BACE2: variants seen among roughly 807,000 people sequenced by gnomAD.
The protein encoded by BACE2 is 56 kDa aspartic-like protease.
Under a neutral mutation model 46.2 loss-of-function variants are expected in BACE2, and 17 were observed. The ratio of observed to expected loss-of-function variants is 0.37; its 90% CI spans 0.25 to 0.55. The LOEUF (loss-of-function observed/expected upper bound fraction) is 0.55, where lower values mean the gene tolerates loss of function less well. Ranked by LOEUF, BACE2 falls within the 20% of genes least tolerant of loss-of-function variation. BACE2 has a pLI of 0.82. For synonymous variants in BACE2, 277 were observed against 295.9 expected (o/e 0.94, Z 0.66); for missense variants, 595 against 698.1 (o/e 0.85, Z 1.66).
rs936634317 is a variant in BACE2, at chr21:41,193,198, G to C, written c.312+24623G>C. ...GAGAGTTTACTGTCCTACCCCTGAGGTAGGACAGTAAAGGTGTATTGCCGG... is the reference window on the plus strand; with the variant it reads ...GAGAGTTTACTGTCCTACCCCTGAGCTAGGACAGTAAAGGTGTATTGCCGG... On this transcript the variant is annotated intron_variant, in intron 1 of 8. Transcript: ENST00000330333. The surrounding 1 kb of genome is among the most constrained non-coding windows in gnomAD (Gnocchi z 4.2). Among the ~76,000 whole-genome samples, 3 of 152,182 alleles carry C rather than the reference G, an allele frequency of 2.0e-5. No individual in the cohort carries two copies.
intron 1 of BACE2, among the ~76,000 whole-genome samples, chr21:41,220,982 G>A (rs1373323115): frequency 1.4e-5 from 2 of 147,538 alleles, no homozygotes; most frequent in African/African-American, 5.0e-5. Context: ...ATCACTTGAA[G>A]TCAGGAGTTC....
intron 1 of BACE2, among the ~76,000 whole-genome samples, chr21:41,216,155 G>T (rs1026119331): frequency 6.6e-6 from 1 of 152,130 alleles, no homozygotes; most frequent in Non-Finnish European, 1.5e-5. Flanking sequence ...AGTGGGTGAT[G>T]GTCCTGGCTA....
At chr21:41,228,589 CT>C (rs1208692117) in intron 2 of BACE2, among the ~76,000 whole-genome samples, 5 of 152,086 alleles carry the variant, frequency 3.3e-5, no homozygotes, top group South Asian at 2.1e-4. Flanking sequence ...ACGTGCCAGA[CT>C]TTTTTTCAAC....
At chr21:41,207,246 G>A (rs1455978581) in intron 1 of BACE2, among the ~76,000 whole-genome samples, 3 of 152,138 alleles carry the variant, frequency 2.0e-5, no homozygotes, top group African/African-American at 7.2e-5. Context: ...TTTAGTTGTC[G>A]CTTGGGAAAG....
At chr21:41,233,850 A>ACC (rs1987033901) in intron 2 of BACE2, among the ~76,000 whole-genome samples, 1 of 152,198 alleles carries the variant, frequency 6.6e-6, no homozygotes, top group African/African-American at 2.4e-5. Flanking sequence ...AATCCCAGCT[A>ACC]TTAGGGAGGC....
intron 1 of BACE2, among the ~76,000 whole-genome samples, chr21:41,216,612 G>T (rs141045888): frequency 4.6e-5 from 7 of 152,206 alleles, no homozygotes; most frequent in Non-Finnish European, 8.8e-5. Context: ...AACGAGCTCC[G>T]GTCATGAGGC....
chr21:41,204,952 G>A (rs1254345058), intron 1 of BACE2, among the ~76,000 whole-genome samples: 2 of 151,448 alleles, frequency 1.3e-5, no homozygotes, highest in African/African-American at 4.9e-5. Context: ...TTTTTCTTGT[G>A]GGTTTACCAT....
chr21:41,186,914 G>A (rs1217747682), intron 1 of BACE2: 1 of 152,408 alleles, frequency 6.6e-6, no homozygotes. Context: ...CATTGCCATG[G>A]AAAGGGGTGG....
rs755175837 is a variant in BACE2, at chr21:41,275,456, G to A, written c.1389G>A (p.Leu463=). 1 of 1,614,148 alleles carries A rather than the reference G, an allele frequency of 6.2e-7. No individual in the cohort carries two copies. Among genetic ancestry groups the A allele is most frequent in the South Asian group, 1.1e-5 (1 of 91,080 alleles). The change falls in exon 9 of 9, where the codon TTG becomes TTA. Residue 463 remains leucine, a synonymous_variant. Transcript: ENST00000330333. ...GCAACTGTGTCCCCGCTCAGTCTTT[G>A]AGCGAGCCCATTTTGTGGATTGTGT... ...VASNCVPAQS[L]SEPILWIVSY...
intron 1 of BACE2, among the ~76,000 whole-genome samples, chr21:41,222,411 C>T (rs371024316): frequency 4.6e-5 from 7 of 152,200 alleles, no homozygotes; most frequent in South Asian, 2.1e-4. Context: ...AGCGATGGGC[C>T]GTGCCACATG....
At chr21:41,217,098 A>C (rs1445244671) in intron 1 of BACE2, among the ~76,000 whole-genome samples, 1 of 151,974 alleles carries the variant, frequency 6.6e-6, no homozygotes, top group African/African-American at 2.4e-5. Context: ...CGCCAGGCTA[A>C]TTTTTGTATT....
chr21:41,246,412 T>C (rs1987474165), intron 6 of BACE2: 1 of 156,536 alleles, frequency 6.4e-6, no homozygotes, highest in South Asian at 2.0e-4. Flanking sequence ...GTTGGTATAG[T>C]ATTTTTTTAA....
Position 41,278,381 on chromosome 21 carries a change from G to T in BACE2, c.*2757G>T, listed in dbSNP as rs2088511981. ...AATTTGAAAGAGCCACAAGTGATTG[G>T]TGTCCGATCTCCCAGCATATACTGT... On this transcript the variant is annotated 3_prime_UTR_variant, in exon 9 of 9. Coordinates refer to ENST00000330333, the MANE Select transcript of BACE2 (RefSeq NM_012105.5). 6.6e-6 allele frequency: 1 copy of T among 152,184 alleles called. No homozygotes were observed. Among genetic ancestry groups the T allele is most frequent in the Non-Finnish European group, 1.5e-5 (1 of 68,038 alleles). 9.4% of individuals were successfully genotyped at this position (152,184 alleles called of 1,614,324 possible). A position where few individuals can be genotyped will look rare whatever the true frequency, so the allele number is the denominator to read the frequency against.
chr21:41,178,840 T>C (rs1234799102), intron 1 of BACE2: 2 of 240,298 alleles, frequency 8.3e-6, no homozygotes, highest in Non-Finnish European at 1.6e-5. Context: ...AACCTCCCCT[T>C]ATAAGGAAGA....
intron 8 of BACE2, among the ~76,000 whole-genome samples, chr21:41,263,667 G>A (rs187521767): frequency 1.5e-4 from 23 of 152,340 alleles, no homozygotes; most frequent in Admixed American, 1.4e-3. Flanking sequence ...TCCTCTGGCT[G>A]TGATGATTGC....
chr21:41,237,173 C>T (rs1009109517), intron 2 of BACE2, among the ~76,000 whole-genome samples: 3 of 152,116 alleles, frequency 2.0e-5, no homozygotes, highest in African/African-American at 7.2e-5. Context: ...CTTAGCCGGG[C>T]GCAGTGGCTC....
intron 8 of BACE2, among the ~76,000 whole-genome samples, chr21:41,262,004 A>G (rs1193811985): frequency 6.6e-6 from 1 of 152,162 alleles, no homozygotes; most frequent in Non-Finnish European, 1.5e-5. Context: ...TTCATTATGC[A>G]TTCTAAAAGT....
At chr21:41,271,980 T>G (rs2088439232) in intron 8 of BACE2, among the ~76,000 whole-genome samples, 1 of 152,142 alleles carries the variant, frequency 6.6e-6, no homozygotes, top group Non-Finnish European at 1.5e-5. Context: ...TTCTTCTGCT[T>G]GAAGAACTTT....
Position 41,258,934 on chromosome 21 carries a change from T to G in BACE2, c.1303+1608T>G, listed in dbSNP as rs902480876. Among the ~76,000 whole-genome samples the G allele has an allele frequency of 2.0e-5, 3 of 152,358 alleles. No individual in the cohort carries two copies. In the South Asian group the frequency reaches 6.2e-4, roughly 32 times the overall value. ...TGAGACCTTTCTCTGTGGCAGCAGGTGGGACTGAAATATCACTGAATTTCC... is the reference window on the plus strand; with the variant it reads ...TGAGACCTTTCTCTGTGGCAGCAGGGGGGACTGAAATATCACTGAATTTCC... On this transcript the variant is annotated intron_variant, in intron 8 of 8. Transcript: ENST00000330333.
Sources: gnomAD v4.1 joint callset for allele counts (sites outside exome capture counted in the v4.1 genomes callset) on GRCh38, gnomAD v4.1.1 for gene constraint, Gnocchi (gnomAD v3.1) non-coding constraint, MANE v1.5 for transcripts, NCBI Gene and HGNC (gene_info 2026-07-23, HGNC 2026-07-21) for gene names.